Variants in ZNF536 observed in about 807,000 individuals in gnomAD.
ZNF536 encodes the protein zinc finger protein 536.
ZNF536 carries 13 observed loss-of-function variants against 84.5 expected under a neutral mutation model. The observed-to-expected ratio is 0.15, with a 90% CI of 0.10 to 0.24. ZNF536 has a LOEUF of 0.24. Among genes scored for constraint, ZNF536 ranks in the 10% least tolerant of loss-of-function variants. ZNF536 has a pLI of 1.00. For synonymous variants in ZNF536, 811 were observed against 742.5 expected, an observed-to-expected ratio of 1.09 and a Z score of -1.50; for missense variants, 1,536 against 1,747.5, an observed-to-expected ratio of 0.88 and a Z score of 2.16.
chr19:30,226,329 C>G (rs1478832200), upstream of ZNF536, among the ~76,000 whole-genome samples: 2 of 152,152 alleles, frequency 1.3e-5, no homozygotes, highest in Admixed American at 6.5e-5. The surrounding 1 kb of genome is among the most constrained non-coding windows in gnomAD (Gnocchi z 4.6). Flanking sequence ...GCCTTGCGCT[C>G]TTTCTCTGGT....
chr19:30,609,595 TAA>T (rs1317680350), intron 1 of ZNF536, among the ~76,000 whole-genome samples: 1 of 152,216 alleles, frequency 6.6e-6, no homozygotes, highest in Admixed American at 6.5e-5. Context: ...TTGAAATAAT[TAA>T]GAGGTTAATG....
chr19:30,322,991 C>T (rs1275936051), intron 2 of ZNF536, among the ~76,000 whole-genome samples: 1 of 152,194 alleles, frequency 6.6e-6, no homozygotes, highest in Non-Finnish European at 1.5e-5. Context: ...AGATGTCTTG[C>T]CATCCCATTG....
intron 2 of ZNF536, 56 bp from the exon 3 acceptor site, chr19:30,534,791 C>A (rs1344218710): frequency 5.9e-6 from 9 of 1,517,328 alleles, no homozygotes; most frequent in Non-Finnish European, 8.0e-6. Context: ...AGTTTTGGTG[C>A]GAACAACTCC....
chr19:30,706,099 C>T (rs78377811), intron 1 of ZNF536, among the ~76,000 whole-genome samples: 3,331 of 152,280 alleles, frequency 0.022, 115 homozygotes, highest in African/African-American at 0.073. Flanking sequence ...TGCATCACTC[C>T]TGTGGCAGTA....
chr19:30,460,266 A>C (rs1220203265), intron 2 of ZNF536, among the ~76,000 whole-genome samples: 1 of 152,168 alleles, frequency 6.6e-6, no homozygotes, highest in Non-Finnish European at 1.5e-5. Flanking sequence ...ATGCCAGCTC[A>C]TCCATCCCGT....
chr19:30,240,515 C>G (rs929512189), intron 1 of ZNF536, among the ~76,000 whole-genome samples: 41 of 152,208 alleles, frequency 2.7e-4, no homozygotes, highest in African/African-American at 9.6e-4. Flanking sequence ...CAGCTCCCAG[C>G]TGCAGGTTGC....
At chr19:30,683,439 G>A (rs935795481) in intron 1 of ZNF536, among the ~76,000 whole-genome samples, 1 of 152,176 alleles carries the variant, frequency 6.6e-6, no homozygotes, top group Non-Finnish European at 1.5e-5. Context: ...TGGTGTTAGA[G>A]CTGTTTCTAT....
intron 2 of ZNF536, among the ~76,000 whole-genome samples, chr19:30,499,502 ATCTG>A (rs2054864121): frequency 6.6e-6 from 1 of 152,124 alleles, no homozygotes; most frequent in Admixed American, 6.6e-5. Flanking sequence ...CTACCTATGT[ATCTG>A]TCTATGTATC....
chr19:30,254,346 C>T (rs974633597), intron 1 of ZNF536, among the ~76,000 whole-genome samples: 4 of 152,086 alleles, frequency 2.6e-5, no homozygotes, highest in Admixed American at 6.5e-5. Flanking sequence ...TTACAGAATT[C>T]TCCTTTGCCA....
intron 2 of ZNF536, among the ~76,000 whole-genome samples, chr19:30,458,311 G>A (rs1390689768): frequency 6.6e-6 from 1 of 151,962 alleles, no homozygotes; most frequent in Non-Finnish European, 1.5e-5. Flanking sequence ...ATCTTTCAAT[G>A]TTTCCCCCAC....
At chr19:30,582,261 C>T (rs1196689895) in intron 1 of ZNF536, among the ~76,000 whole-genome samples, 2 of 151,938 alleles carry the variant, frequency 1.3e-5, no homozygotes, top group African/African-American at 4.8e-5. Context: ...TGCCTACTGC[C>T]AAGGGAGCCT....
At chr19:30,654,654 G>A (rs1009773167) in intron 1 of ZNF536, among the ~76,000 whole-genome samples, 1 of 152,156 alleles carries the variant, frequency 6.6e-6, no homozygotes, top group Admixed American at 6.5e-5. Context: ...TTTTAACCGG[G>A]CGATTGTTGC....
At chr19:30,566,395 A>G (rs1420730988) in intron 1 of ZNF536, among the ~76,000 whole-genome samples, 2 of 152,210 alleles carry the variant, frequency 1.3e-5, no homozygotes, top group South Asian at 4.1e-4. Context: ...AATAATAAAG[A>G]CTTCCTCTGT....
At chr19:30,474,313 T>TTCTCTCTC (rs66795970) in intron 2 of ZNF536, among the ~76,000 whole-genome samples, 2 of 149,946 alleles carry the variant, frequency 1.3e-5, no homozygotes, top group Non-Finnish European at 3.0e-5. Flanking sequence ...TAAACCCTCT[T>TTCTCTCTC]TCTCTCTCTC....
chr19:30,702,764 C>T (rs997741092), intron 1 of ZNF536, among the ~76,000 whole-genome samples: 4 of 152,176 alleles, frequency 2.6e-5, no homozygotes, highest in African/African-American at 7.2e-5. Context: ...AGCACTGTCT[C>T]TCTTTCCTAT....
At chr19:30,697,635 G>A (rs997739166) in intron 1 of ZNF536, among the ~76,000 whole-genome samples, 3 of 152,152 alleles carry the variant, frequency 2.0e-5, no homozygotes, top group Non-Finnish European at 2.9e-5. Context: ...ACACACAACC[G>A]ATAAGAGGCA....
chr19:30,495,638 T>C (rs1207934576), intron 2 of ZNF536, among the ~76,000 whole-genome samples: 3 of 152,200 alleles, frequency 2.0e-5, no homozygotes, highest in African/African-American at 7.2e-5. Context: ...TGTCCAAGGT[T>C]GCACATCCAA....
rs570616765 is a variant in ZNF536 at position 30,700,348 on chromosome 19, C to CTCCT, written c.170-10392_170-10389dup. 2.6e-4 allele frequency among the ~76,000 whole-genome samples: 38 copies of CTCCT among 145,780 alleles called. 1 individual carries two copies. The highest frequency in any genetic ancestry group is 6.7e-4 in the South Asian group (3 of 4,474). On this transcript the variant is annotated intron_variant, in intron 1 of 1. Transcript: ENST00000592773. ...TCCCTCCTTCCTCCCTCCCTCCCCC[C>CTCCT]TCCTTCCTTCCTTCCTTCCTCCTTT...
At chr19:30,360,492 T>C (rs1195649837) in intron 3 of ZNF536, among the ~76,000 whole-genome samples, 2 of 152,246 alleles carry the variant, frequency 1.3e-5, no homozygotes, top group African/African-American at 2.4e-5. Context: ...GACTTTATTA[T>C]ATCGAGGCTG....
Sources: gnomAD v4.1 joint callset for allele counts (sites outside exome capture counted in the v4.1 genomes callset) on GRCh38, gnomAD v4.1.1 for gene constraint, Gnocchi (gnomAD v3.1) non-coding constraint, MANE v1.5 for transcripts, NCBI Gene and HGNC (gene_info 2026-07-23, HGNC 2026-07-21) for gene names.